Variants in SUGCT observed in about 807,000 individuals in gnomAD.
SUGCT encodes succinyl-CoA:glutarate CoA-transferase.
SUGCT carries 41 observed loss-of-function variants against 55.0 expected under a neutral mutation model. The observed-to-expected ratio is 0.74, with a 90% CI of 0.58 to 0.97. SUGCT has a LOEUF of 0.97. Among genes scored for constraint, SUGCT ranks in the 50% least tolerant of loss-of-function variants. The pLI is 0.00. For missense variants in SUGCT, 568 were observed against 547.8 expected (o/e 1.04, Z -0.37); for synonymous variants, 187 against 200.4 (o/e 0.93, Z 0.56).
chr7:40,718,809 A>G (rs1474317486), intron 12 of SUGCT, among the ~76,000 whole-genome samples: 1 of 152,222 alleles, frequency 6.6e-6, no homozygotes, highest in African/African-American at 2.4e-5. Context: ...TGTCCACACT[A>G]TTGCCACAAA....
At chr7:40,459,236 A>T (rs1789659193) in intron 11 of SUGCT, 38 bp downstream of exon 11, 1 of 1,305,294 alleles carries the variant, frequency 7.7e-7, no homozygotes, top group Non-Finnish European at 1.1e-6. Context: ...TTAAGAATTA[A>T]TATGTGATAA....
rs528943190 is a variant in SUGCT at position 40,366,019 on chromosome 7, C to T, written c.816+49164C>T. 1.4e-4 allele frequency among the ~76,000 whole-genome samples: 21 copies of T among 152,298 alleles called. No individual in the cohort carries two copies. The East Asian group carries it at 1.7e-3, about 13-fold the overall frequency. On this transcript the variant is annotated intron_variant, in intron 9 of 13. Transcript: ENST00000335693. Reference sequence around the variant, plus strand: ...CGCTACCTGACTTCAAACTTTACTACGAGGCTACAGTTACCAAAACAGCAT... The same window carrying T: ...CGCTACCTGACTTCAAACTTTACTATGAGGCTACAGTTACCAAAACAGCAT...
At chr7:40,899,594 A>AG in the SUGCT span, among the ~76,000 whole-genome samples, 1 of 152,302 alleles carries the variant, frequency 6.6e-6, no homozygotes, top group South Asian at 2.1e-4. Context: ...GGCTCCAAGA[A>AG]GGTAACTCCC....
intron 12 of SUGCT, among the ~76,000 whole-genome samples, chr7:40,553,722 T>C (rs1583969232): frequency 1.3e-5 from 2 of 152,264 alleles, no homozygotes; most frequent in African/African-American, 4.8e-5. Flanking sequence ...TGAGTGTGTG[T>C]GTGCATGTGC....
intron 9 of SUGCT, among the ~76,000 whole-genome samples, chr7:40,441,311 A>T (rs1041026440): frequency 5.3e-5 from 8 of 152,074 alleles, no homozygotes; most frequent in African/African-American, 1.9e-4. Flanking sequence ...GGTGGGATTC[A>T]TTTTGCTATT....
intron 2 of SUGCT, among the ~76,000 whole-genome samples, chr7:40,181,265 AAT>A (rs1175584172): frequency 6.6e-6 from 1 of 152,178 alleles, no homozygotes; most frequent in Non-Finnish European, 1.5e-5. Flanking sequence ...TTTTAAACAC[AAT>A]GTTATATTTT....
chr7:40,766,562 T>G (rs187081559), intron 13 of SUGCT, among the ~76,000 whole-genome samples: 122 of 152,316 alleles, frequency 8.0e-4, no homozygotes, highest in African/African-American at 2.7e-3. Flanking sequence ...TCCTGTCAAT[T>G]TAGTATTTTT....
intron 9 of SUGCT, among the ~76,000 whole-genome samples, chr7:40,382,649 A>C (rs1467517300): frequency 6.6e-6 from 1 of 152,222 alleles, no homozygotes; most frequent in Non-Finnish European, 1.5e-5. Context: ...CAGCTTATTA[A>C]GGCAAATGTA....
the SUGCT span, among the ~76,000 whole-genome samples, chr7:40,988,854 A>C: frequency 6.6e-6 from 1 of 151,568 alleles, no homozygotes; most frequent in African/African-American, 2.4e-5. Context: ...TGGCTTTGCC[A>C]ATAAATAAAT....
chr7:40,186,493 A>C (rs956938755), intron 3 of SUGCT, among the ~76,000 whole-genome samples: 2 of 152,076 alleles, frequency 1.3e-5, no homozygotes, highest in African/African-American at 4.8e-5. Context: ...TCCTGGCCTC[A>C]AGTGATCCAC....
intron 12 of SUGCT, among the ~76,000 whole-genome samples, chr7:40,642,891 C>T (rs1008349413): frequency 6.6e-6 from 1 of 152,064 alleles, no homozygotes; most frequent in Admixed American, 6.5e-5. Flanking sequence ...AGCAGCTGCC[C>T]ATTGTGACAA....
At chr7:40,491,312 A>C (rs772691836) in intron 11 of SUGCT, among the ~76,000 whole-genome samples, 25 of 152,174 alleles carry the variant, frequency 1.6e-4, no homozygotes, top group Non-Finnish European at 2.9e-4. Flanking sequence ...AAGGGCCAGG[A>C]CTGTGATAGT....
At chr7:40,443,018 C>T (rs1197405485) in intron 9 of SUGCT, among the ~76,000 whole-genome samples, 1 of 152,088 alleles carries the variant, frequency 6.6e-6, no homozygotes, top group Admixed American at 6.6e-5. Context: ...TGATGGTTTC[C>T]AGCTTCATCC....
At chr7:40,902,579 CAA>C in the SUGCT span, among the ~76,000 whole-genome samples, 2 of 123,780 alleles carry the variant, frequency 1.6e-5, no homozygotes. Flanking sequence ...GACTCCATCT[CAA>C]AAAAAAAAAA....
the SUGCT span, among the ~76,000 whole-genome samples, chr7:40,921,493 C>T: frequency 6.6e-6 from 1 of 152,302 alleles, no homozygotes; most frequent in South Asian, 2.1e-4. Flanking sequence ...TCAGGGTGCT[C>T]AGATCTCACC....
chr7:40,735,731 T>A (rs2128699447), intron 12 of SUGCT, among the ~76,000 whole-genome samples: 1 of 152,158 alleles, frequency 6.6e-6, no homozygotes, highest in Admixed American at 6.5e-5. Flanking sequence ...AGCAAACAAA[T>A]TTTAAAACCT....
chr7:40,230,671 T>C (rs532563928), intron 6 of SUGCT, among the ~76,000 whole-genome samples: 19 of 152,292 alleles, frequency 1.2e-4, no homozygotes, highest in African/African-American at 3.9e-4. Flanking sequence ...TTAGTGAATG[T>C]AGAAGGAGCA....
intron 12 of SUGCT, among the ~76,000 whole-genome samples, chr7:40,643,506 A>C (rs1470341862): frequency 6.6e-6 from 1 of 152,082 alleles, no homozygotes; most frequent in Non-Finnish European, 1.5e-5. Flanking sequence ...GACTTCCCAC[A>C]CCTCTTACGT....
chr7:40,630,024 A>G lies in SUGCT; in HGVS notation c.1090-119410A>G, dbSNP rs1017565834. On this transcript the variant is annotated intron_variant, in intron 12 of 13. Coordinates refer to ENST00000335693, the MANE Select transcript of SUGCT (RefSeq NM_001193313.2). ...TTGGGGATTACCAGCCTGTATTGCC[A>G]TTGACTCCTGACTTCTTGCTTCATG... 2.0e-5 allele frequency among the ~76,000 whole-genome samples: 3 copies of G among 152,294 alleles called. No homozygotes were observed. In the East Asian group the frequency reaches 5.8e-4, roughly 29 times the overall value.
Sources: gnomAD v4.1 joint callset for allele counts (sites outside exome capture counted in the v4.1 genomes callset) on GRCh38, gnomAD v4.1.1 for gene constraint, MANE v1.5 for transcripts, NCBI Gene and HGNC (gene_info 2026-07-23, HGNC 2026-07-21) for gene names.